The following NUMA1 variants were observed in gnomAD, a reference collection of about 807,000 sequenced individuals.
The protein encoded by NUMA1 is SP-H antigen.
In NUMA1, 62 loss-of-function variants were observed where a neutral mutation model predicts 237.1. The ratio of observed to expected loss-of-function variants is 0.26; its 90% confidence interval spans 0.21 to 0.32. NUMA1 has a LOEUF of 0.32. Ranked by LOEUF, NUMA1 falls within the 10% of genes least tolerant of loss-of-function variation. NUMA1 has a pLI of 1.00. For missense variants in NUMA1, 2,533 were observed against 2,666.5 expected, an observed-to-expected ratio of 0.95 and a Z score of 1.10; for synonymous variants, 1,028 against 1,066.1, an observed-to-expected ratio of 0.96 and a Z score of 0.70.
At chr11:72,079,203 T>C (rs1335057560) in intron 1 of NUMA1, among the ~76,000 whole-genome samples, 1 of 152,092 alleles carries the variant, frequency 6.6e-6, no homozygotes, top group African/African-American at 2.4e-5. Flanking sequence ...GACGAAAAAG[T>C]CTCTCGTTAT....
At chr11:72,030,063 G>A (rs370411002) in intron 3 of NUMA1, among the ~76,000 whole-genome samples, 109 of 152,158 alleles carry the variant, frequency 7.2e-4, no homozygotes, top group Middle Eastern at 6.8e-3. Flanking sequence ...AGCCAAGCGC[G>A]GTGGCTCACA....
Position 72,013,114 on chromosome 11 carries a change from C to G in NUMA1, c.4389G>C (p.Gln1463His). The part of the protein sequence containing the change: ...GLGERANLGR[Q>H]FLEVELDQAR... Reference sequence around the variant, plus strand: ...CCTGGTCCAACTCCACTTCCAGAAACTGCCGGCCAAGGTTGGCCCGCTCAC... The same window carrying G: ...CCTGGTCCAACTCCACTTCCAGAAAGTGCCGGCCAAGGTTGGCCCGCTCAC... Residue 1463 changes from glutamine (Q) to histidine (H), a missense_variant, in exon 15 of 27, where the codon CAG becomes CAC. By Grantham distance (24) the Gln-to-His change is conservative (BLOSUM62 0). Around this residue, in one of 3 missense-constraint regions of NUMA1, gnomAD observed 324 missense variants for 407.6 expected, o/e 0.79. Coordinates refer to ENST00000393695, the MANE Select transcript of NUMA1 (RefSeq NM_006185.4). The surrounding 1 kb of genome is among the most constrained non-coding windows in gnomAD (Gnocchi z 6.8). 1.9e-6 allele frequency: 3 copies of G among 1,614,204 alleles called. No individual in the cohort carries two copies. The highest frequency in any genetic ancestry group is 2.7e-5 in the African/African-American group (2 of 75,076).
Position 72,016,077 on chromosome 11 carries a change from A to C in NUMA1, c.1426T>G (p.Ser476Ala), listed in dbSNP as rs371678243. 6.2e-7 allele frequency: 1 copy of C among 1,614,080 alleles called. No homozygotes were observed. Among genetic ancestry groups the C allele is most frequent in the Non-Finnish European group, 8.5e-7 (1 of 1,180,032 alleles). Residue 476 changes from serine (S) to alanine (A), a missense_variant, in exon 15 of 27, where the codon TCC (serine) becomes GCC (alanine). Transcript: ENST00000393695. Reference sequence around the variant, plus strand: ...TCTTCCTTGGCCTGGCTGAGGTTGGAGATGGAGCTCTGCAGGTCAGTGATC... The same window carrying C: ...TCTTCCTTGGCCTGGCTGAGGTTGGCGATGGAGCTCTGCAGGTCAGTGATC... ...SLITDLQSSI[S>A]NLSQAKEELE...
chr11:72,015,809 T>G lies in NUMA1; in HGVS notation c.1694A>C (p.Gln565Pro). 6.2e-7 allele frequency: 1 copy of G among 1,614,244 alleles called. No individual in the cohort carries two copies. Among genetic ancestry groups the G allele is most frequent in the Non-Finnish European group, 8.5e-7 (1 of 1,180,040 alleles). Reference sequence around the variant, plus strand: ...CTTCTCCGCTACCTCCTTCAACTGCTGCTCCTTCTGCTTCAGGCTACTGCT... The same window carrying G: ...CTTCTCCGCTACCTCCTTCAACTGCGGCTCCTTCTGCTTCAGGCTACTGCT... Reference protein sequence around the residue: ...QLSSSLKQKEQQLKEVAEKQE... With the variant: ...QLSSSLKQKEPQLKEVAEKQE... Residue 565 changes from glutamine to proline, a missense_variant, in exon 15 of 27, where the codon CAG becomes CCG. This residue lies in a region of NUMA1 where 1,414 missense variants were observed against 1,508.1 expected (regional missense o/e 0.94). Coordinates refer to ENST00000393695, the MANE Select transcript of NUMA1 (RefSeq NM_006185.4). This position sits in a 1 kb window ranked among gnomAD's most constrained non-coding sequence, Gnocchi z 4.0.
At chr11:72,019,728 T>G in intron 8 of NUMA1, 111 bp from the exon 9 acceptor site, 1 of 1,147,894 alleles carries the variant, frequency 8.7e-7, no homozygotes, top group Non-Finnish European at 1.2e-6. Context: ...TATCCATGGA[T>G]ACTTATATGT....
intron 3 of NUMA1, among the ~76,000 whole-genome samples, chr11:72,030,656 G>A (rs1428901105): frequency 2.0e-5 from 3 of 152,196 alleles, no homozygotes; most frequent in African/African-American, 7.2e-5. Flanking sequence ...AGGAAGAAAG[G>A]GTTTGCTAAG....
At chr11:72,007,689 C>T in intron 20 of NUMA1, 2 of 539,666 alleles carry the variant, frequency 3.7e-6, no homozygotes, top group Middle Eastern at 4.9e-4. Context: ...ACCAGATGCC[C>T]ATGGCTGCTT....
intron 2 of NUMA1, among the ~76,000 whole-genome samples, chr11:72,056,504 T>A (rs1420930457): frequency 1.1e-4 from 16 of 151,464 alleles, no homozygotes. Context: ...GTATTTTTAG[T>A]AGGGACAGGG....
chr11:72,029,119 T>C, intron 4 of NUMA1, 86 bp downstream of exon 4: 1 of 939,358 alleles, frequency 1.1e-6, no homozygotes, highest in Admixed American at 2.1e-5. Flanking sequence ...GTCATAGCCA[T>C]CATCAAGTAA....
At position 72,006,096 on chromosome 11, in the gene NUMA1, G is replaced by A; in HGVS notation, c.5631C>T (p.Arg1877=). ...GACGAGCAGAACTGCGAGTGGTGGG[G>A]CGGTAGCCAGGCAAGCTGAGCAGGG... is the stretch of plus-strand genomic sequence containing the variant. The part of the protein sequence containing the change: ...NSALLSLPGY[R]PTTRSSARRS... Residue 1877 remains arginine (R), a synonymous_variant, in exon 22 of 27, where the codon CGC becomes CGT. Transcript: ENST00000393695. The A allele has an allele frequency of 6.2e-7, 1 of 1,614,120 alleles. No individual in the cohort carries two copies. Among genetic ancestry groups the A allele is most frequent in the Non-Finnish European group, 8.5e-7 (1 of 1,179,986 alleles).
chr11:72,048,825 G>A (rs771618029), intron 2 of NUMA1, among the ~76,000 whole-genome samples: 1 of 152,184 alleles, frequency 6.6e-6, no homozygotes, highest in South Asian at 2.1e-4. Flanking sequence ...CTTGTACTAG[G>A]AGGGATGTTG....
intron 9 of NUMA1, 172 bp from the exon 10 acceptor site, chr11:72,019,152 A>G: frequency 1.4e-6 from 1 of 701,570 alleles, no homozygotes; most frequent in Non-Finnish European, 2.3e-6. Flanking sequence ...GATCTTGGGA[A>G]AACTTTTCTT....
chr11:72,042,393 G>T (rs1382173512), intron 2 of NUMA1, among the ~76,000 whole-genome samples: 1 of 152,228 alleles, frequency 6.6e-6, no homozygotes, highest in East Asian at 1.9e-4. Context: ...AATATGACTT[G>T]AAGATTAATT....
chr11:72,018,681 T>C, intron 10 of NUMA1, 142 bp downstream of exon 10: 1 of 1,139,782 alleles, frequency 8.8e-7, no homozygotes. Context: ...AGACAGAACC[T>C]AGCTTCCAGG....
intron 20 of NUMA1, chr11:72,008,282 CTTT>C (rs75516644): frequency 2.7e-6 from 1 of 364,410 alleles, no homozygotes; most frequent in African/African-American, 2.1e-5. Context: ...TCCAAGGTTC[CTTT>C]TTTTTTCTCC....
At position 72,013,364 on chromosome 11, in the gene NUMA1, C is replaced by T. The variant is rs771621582; in HGVS notation, c.4139G>A (p.Arg1380His). 9.3e-6 allele frequency: 15 copies of T among 1,609,978 alleles called. No homozygotes were observed. In the Admixed American group the frequency reaches 1.3e-4, roughly 14 times the overall value. The change falls in exon 15 of 27, where the codon CGC becomes CAC. Residue 1380 changes from arginine (R) to histidine (H), a missense_variant. Around this residue, in one of 3 missense-constraint regions of NUMA1, gnomAD observed 324 missense variants for 407.6 expected, o/e 0.79. Coordinates refer to ENST00000393695, the MANE Select transcript of NUMA1 (RefSeq NM_006185.4). This position sits in a 1 kb window ranked among gnomAD's most constrained non-coding sequence, Gnocchi z 6.8. ...LQAEQAAAEK[R>H]HREELEQSKQ... ...GCTCTGCTCCAGCTCCTCACGGTGG[C>T]GTTTCTCGGCAGCGGCCTGCTCGGC...
At chr11:72,076,796 A>G (rs1282645690) in intron 1 of NUMA1, 1 of 152,006 alleles carries the variant, frequency 6.6e-6, no homozygotes, top group Non-Finnish European at 1.5e-5. Flanking sequence ...AAAAAAAAAA[A>G]GCATGAGAAA....
chr11:72,075,643 T>C (rs951461056), intron 1 of NUMA1, among the ~76,000 whole-genome samples: 2 of 152,236 alleles, frequency 1.3e-5, no homozygotes, highest in South Asian at 2.1e-4. Context: ...AAATTCTTTA[T>C]GCAGTTATTA....
intron 2 of NUMA1, among the ~76,000 whole-genome samples, chr11:72,054,359 G>A (rs1041374423): frequency 4.0e-5 from 6 of 151,698 alleles, no homozygotes; most frequent in Admixed American, 6.6e-5. Context: ...TCCCAGCTAC[G>A]AGGGAGGCTG....
Sources: gnomAD v4.1 joint callset for allele counts (sites outside exome capture counted in the v4.1 genomes callset) on GRCh38, gnomAD v4.1.1 for gene constraint, gnomAD v4.1.1 regional missense constraint, Gnocchi (gnomAD v3.1) non-coding constraint, MANE v1.5 for transcripts, NCBI Gene and HGNC (gene_info 2026-07-23, HGNC 2026-07-21) for gene names.